RAB2A: variants seen among roughly 807,000 people sequenced by gnomAD.
RAB2A encodes ras-related protein Rab-2A.
In RAB2A, 7 loss-of-function variants were observed where a neutral mutation model predicts 32.5. The observed-to-expected ratio is 0.22, with a 90% CI of 0.12 to 0.40. The LOEUF is 0.40. Ranked by LOEUF, RAB2A falls within the 10% of genes least tolerant of loss-of-function variation. The probability of loss-of-function intolerance (pLI) is 1.00; values close to 1 mark genes in which losing one functional copy is unlikely to be tolerated. For synonymous variants in RAB2A, 79 were observed against 85.2 expected (o/e 0.93, Z 0.40); for missense variants, 108 against 260.7 (o/e 0.41, Z 4.03).
intron 1 of RAB2A, 30 bp from the exon 2 acceptor site, chr8:60,558,822 G>A: frequency 6.4e-7 from 1 of 1,559,776 alleles, no homozygotes. Flanking sequence ...TGTGAATTTT[G>A]TCTCTTATTT....
At chr8:60,592,165 C>T in intron 6 of RAB2A, 196 bp downstream of exon 6, 2 of 372,818 alleles carry the variant, frequency 5.4e-6, no homozygotes, top group Non-Finnish European at 1.0e-5. Flanking sequence ...CCTTCTAAAG[C>T]CTGAATGTTT....
intron 1 of RAB2A, among the ~76,000 whole-genome samples, chr8:60,555,148 G>A (rs773788471): frequency 1.3e-5 from 2 of 152,182 alleles, no homozygotes; most frequent in Non-Finnish European, 2.9e-5. Flanking sequence ...TGGGAAAACT[G>A]GATAGCCATG....
At chr8:60,519,042 T>C (rs935816979) in intron 1 of RAB2A, among the ~76,000 whole-genome samples, 3 of 152,212 alleles carry the variant, frequency 2.0e-5, no homozygotes, top group Non-Finnish European at 4.4e-5. Context: ...TCTGTTCTCT[T>C]GGAATTTGCT....
intron 3 of RAB2A, 162 bp from the exon 4 acceptor site, chr8:60,584,046 T>C (rs1563477794): frequency 1.7e-6 from 1 of 584,126 alleles, no homozygotes; most frequent in African/African-American, 1.9e-5. Flanking sequence ...TCTTGAGCAA[T>C]AGCGGTGTTT....
Position 60,517,219 on chromosome 8 carries a change from C to G in RAB2A, c.12C>G (p.Ala4=). MAY[A]YLFKYIIIGD... ...GAGCGGCCGCGGCCATGGCGTACGC[C>G]TATCTCTTCAAGTACATCATAATCG... The change falls in exon 1 of 8, where the codon GCC becomes GCG. Residue 4 remains alanine, a synonymous_variant. Transcript: ENST00000262646. 1.3e-6 allele frequency: 2 copies of G among 1,490,134 alleles called. No homozygotes were observed. Among genetic ancestry groups the G allele is most frequent in the Non-Finnish European group, 1.8e-6 (2 of 1,118,878 alleles). 92.3% of individuals were successfully genotyped at this position (1,490,134 alleles called of 1,614,324 possible).
chr8:60,545,785 G>A (rs1179194750), intron 1 of RAB2A, among the ~76,000 whole-genome samples: 1 of 152,146 alleles, frequency 6.6e-6, no homozygotes, highest in African/African-American at 2.4e-5. Flanking sequence ...GTAATGATCT[G>A]TGTATATCCA....
At chr8:60,575,752 G>C (rs1803602953) in intron 3 of RAB2A, among the ~76,000 whole-genome samples, 1 of 150,090 alleles carries the variant, frequency 6.7e-6, no homozygotes, top group Non-Finnish European at 1.5e-5. Context: ...CCGCCTCCCG[G>C]GTTCAAGCGA....
At position 60,584,715 on chromosome 8, in the gene RAB2A, A is replaced by G. The variant is rs748519999; in HGVS notation, c.270-8A>G. 17 of 1,593,104 alleles carry G rather than the reference A, an allele frequency of 1.1e-5. No homozygotes were observed. The highest frequency in any genetic ancestry group is 2.7e-5 in the African/African-American group (2 of 74,356). ...GAACATAGTAATTAAATTATTATTT[A>G]TGTTTAGGAGAGATACATTCAACCA... On this transcript the variant is annotated splice_region_variant and splice_polypyrimidine_tract_variant and intron_variant, in intron 4 of 7. Transcript: ENST00000262646.
Position 60,622,664 on chromosome 8 carries a change from C to T in RAB2A, c.*1895C>T, listed in dbSNP as rs1372859740. 1.3e-5 allele frequency: 2 copies of T among 152,130 alleles called. No homozygotes were observed. Among genetic ancestry groups the T allele is most frequent in the Non-Finnish European group, 2.9e-5 (2 of 68,018 alleles). The allele number at this position is 152,130 out of a possible 1,614,324, so 9.4% of individuals were successfully genotyped here. A position where few individuals can be genotyped will look rare whatever the true frequency, so the allele number is the denominator to read the frequency against. ...GCGTTTCTTTTCCATACTTTCTCCCCTAATTCTTTTATTTGAAGAAGAGAA... is the reference window on the plus strand; with the variant it reads ...GCGTTTCTTTTCCATACTTTCTCCCTTAATTCTTTTATTTGAAGAAGAGAA... On this transcript the variant is annotated 3_prime_UTR_variant, in exon 8 of 8. Coordinates refer to ENST00000262646, the MANE Select transcript of RAB2A (RefSeq NM_002865.3).
At chr8:60,520,667 C>CCA (rs1407818963) in intron 1 of RAB2A, among the ~76,000 whole-genome samples, 1 of 152,214 alleles carries the variant, frequency 6.6e-6, no homozygotes, top group Admixed American at 6.5e-5. Flanking sequence ...ACAAATCCTA[C>CCA]CACTCCCTGT....
chr8:60,558,973 A>C, intron 2 of RAB2A, 50 bp downstream of exon 2: 2 of 1,367,020 alleles, frequency 1.5e-6, no homozygotes, highest in Non-Finnish European at 2.1e-6. Flanking sequence ...GGATAGTTTA[A>C]ATGGAAAATG....
chr8:60,551,397 T>C (rs780852740), intron 1 of RAB2A, among the ~76,000 whole-genome samples: 10 of 152,262 alleles, frequency 6.6e-5, no homozygotes, highest in Non-Finnish European at 1.3e-4. Flanking sequence ...ATAGTAATAG[T>C]GTTTTACTAT....
intron 1 of RAB2A, among the ~76,000 whole-genome samples, chr8:60,541,326 T>C (rs1807642440): frequency 6.6e-6 from 1 of 152,156 alleles, no homozygotes; most frequent in South Asian, 2.1e-4. Flanking sequence ...TATGGTTTCT[T>C]AGATGTGATC....
At chr8:60,572,233 A>T (rs757986437) in intron 3 of RAB2A, 120 bp downstream of exon 3, 136 of 663,616 alleles carry the variant, frequency 2.0e-4, no homozygotes, top group Middle Eastern at 4.5e-4. Context: ...GACTTCCTGC[A>T]GCCATGAGAT....
intron 3 of RAB2A, among the ~76,000 whole-genome samples, chr8:60,577,006 A>C (rs534883785): frequency 6.6e-6 from 1 of 152,266 alleles, no homozygotes; most frequent in African/African-American, 2.4e-5. Context: ...GGCAGCACTA[A>C]AAGAATCTGA....
chr8:60,599,592 A>G (rs549694756), intron 6 of RAB2A, among the ~76,000 whole-genome samples: 2 of 152,344 alleles, frequency 1.3e-5, no homozygotes, highest in Admixed American at 6.5e-5. Context: ...ACATAGATCA[A>G]TGGAACAGAA....
Position 60,623,396 on chromosome 8 carries a change from T to TA in RAB2A, c.*2630dup, listed in dbSNP as rs1392545846. On this transcript the variant is annotated 3_prime_UTR_variant, in exon 8 of 8. Coordinates refer to ENST00000262646, the MANE Select transcript of RAB2A (RefSeq NM_002865.3). ...ATTCATGTCTGGCTTTGCAACACCT[T>TA]AAACATTTATTCTGTCATAGATAGT... 1 of 152,224 alleles carries TA rather than the reference T, an allele frequency of 6.6e-6. No individual in the cohort carries two copies. The highest frequency in any genetic ancestry group is 1.5e-5 in the Non-Finnish European group (1 of 68,034). 9.4% of individuals were successfully genotyped at this position (152,224 alleles called of 1,614,324 possible).
intron 1 of RAB2A, among the ~76,000 whole-genome samples, chr8:60,532,453 T>C (rs776107146): frequency 6.6e-6 from 1 of 152,232 alleles, no homozygotes; most frequent in African/African-American, 2.4e-5. Context: ...GTATTTGTTA[T>C]ACTTGCTCAG....
chr8:60,517,564 TCACATGACTG>T (rs1322634640), intron 1 of RAB2A, among the ~76,000 whole-genome samples: 1 of 152,040 alleles, frequency 6.6e-6, no homozygotes, highest in African/African-American at 2.4e-5. Flanking sequence ...GGGGCCCGAC[TCACATGACTG>T]CACCCCACCC....
Sources: allele counts gnomAD v4.1 joint callset (sites outside exome capture counted in the v4.1 genomes callset), GRCh38; gene constraint gnomAD v4.1.1; transcripts MANE v1.5; gene names NCBI Gene and HGNC (gene_info 2026-07-23, HGNC 2026-07-21).